Variants in GOT2 observed in about 807,000 individuals in gnomAD.
GOT2 encodes the protein glutamic-oxaloacetic transaminase 2, also known as aspartate aminotransferase, mitochondrial.
Under a neutral mutation model 50.0 loss-of-function variants are expected in GOT2, and 17 were observed. That is an observed-to-expected ratio of 0.34 (90% CI 0.23 to 0.51). The LOEUF is 0.51. GOT2 is among the 20% of genes least tolerant of loss of function. The probability of loss-of-function intolerance (pLI) is 0.97; values close to 1 mark genes in which losing one functional copy is unlikely to be tolerated. For missense variants in GOT2, 430 were observed against 559.6 expected (o/e 0.77, Z 2.34); for synonymous variants, 172 against 204.9 (o/e 0.84, Z 1.37).
intron 3 of GOT2, among the ~76,000 whole-genome samples, chr16:58,720,775 C>T (rs374222745): frequency 0.017 from 2,536 of 151,544 alleles, 67 homozygotes; most frequent in African/African-American, 0.053. Context: ...GACGGGGGGG[C>T]GGGTCTCACC....
chr16:58,730,492 C>T (rs535301599), intron 1 of GOT2, among the ~76,000 whole-genome samples: 1 of 152,140 alleles, frequency 6.6e-6, no homozygotes, highest in South Asian at 2.1e-4. Context: ...TCAAGTGATC[C>T]TCCCCGAGTA....
chr16:58,733,837 T>G (rs2044855002), intron 1 of GOT2: 3 of 332,632 alleles, frequency 9.0e-6, no homozygotes, highest in Non-Finnish European at 1.1e-5. Context: ...TCCCACTGAA[T>G]GGGAGTCCGG....
intron 1 of GOT2, among the ~76,000 whole-genome samples, chr16:58,724,137 G>A (rs892161106): frequency 6.6e-6 from 1 of 152,034 alleles, no homozygotes. Context: ...ATTTTTAGTG[G>A]AGATGGGGTT....
chr16:58,715,861 T>C (rs140611968), intron 8 of GOT2, among the ~76,000 whole-genome samples, 153 bp downstream of exon 8: 1 of 152,312 alleles, frequency 6.6e-6, no homozygotes, highest in East Asian at 1.9e-4. Flanking sequence ...CTTAATTTTT[T>C]AAAAAAGGAA....
chr16:58,728,841 C>T (rs553909934), intron 1 of GOT2, among the ~76,000 whole-genome samples: 44 of 152,154 alleles, frequency 2.9e-4, no homozygotes, highest in Admixed American at 1.2e-3. Context: ...CCACCACGCC[C>T]GGCTAATTTT....
At chr16:58,720,579 T>A (rs1229487339) in intron 3 of GOT2, among the ~76,000 whole-genome samples, 2 of 101,978 alleles carry the variant, frequency 2.0e-5, no homozygotes, top group Non-Finnish European at 3.4e-5. Context: ...GGCACAACAA[T>A]TTTTTTTTTT....
At position 58,723,905 on chromosome 16, in the gene GOT2, G is replaced by A; in HGVS notation, c.90-3C>T. 6.2e-7 allele frequency: 1 copy of A among 1,612,102 alleles called. No individual in the cohort carries two copies. On this transcript the variant is annotated splice_region_variant and splice_polypyrimidine_tract_variant and intron_variant, in intron 1 of 9. Transcript: ENST00000245206. ...TTTCCACATGGGTCCACCAGGAGCTGAAATGAGAAACACATTAGCTCAATC... is the reference window on the plus strand; with the variant it reads ...TTTCCACATGGGTCCACCAGGAGCTAAAATGAGAAACACATTAGCTCAATC...
chr16:58,728,974 A>AC (rs1301541521), intron 1 of GOT2, among the ~76,000 whole-genome samples: 2 of 152,138 alleles, frequency 1.3e-5, no homozygotes, highest in East Asian at 1.9e-4. Flanking sequence ...GGCGTGAGCT[A>AC]CCGCACCCGG....
At position 58,734,189 on chromosome 16, in the gene GOT2, C is replaced by T; in HGVS notation, c.40G>A (p.Ala14Thr). 3.0e-6 allele frequency: 4 copies of T among 1,335,256 alleles called. No individual in the cohort carries two copies. Among genetic ancestry groups the T allele is most frequent in the South Asian group, 2.5e-5 (1 of 40,124 alleles). The allele number at this position is 1,335,256 out of a possible 1,614,324, so 82.7% of individuals were successfully genotyped here. Residue 14 changes from alanine to threonine, a missense_variant, in exon 1 of 10, where the codon GCC becomes ACC. Physicochemically the swap from Ala to Thr is moderately conservative, Grantham distance 58. Coordinates refer to ENST00000245206, the MANE Select transcript of GOT2 (RefSeq NM_002080.4). ...GCGAGGCCCGGGTGGAAGGCGGCGGCGATCCCGGGGAGGACGCGGCCGGAG... is the reference window on the plus strand; with the variant it reads ...GCGAGGCCCGGGTGGAAGGCGGCGGTGATCCCGGGGAGGACGCGGCCGGAG... Reference protein sequence around the residue: ...LHSGRVLPGIAAAFHPGLAAA... With the variant: ...LHSGRVLPGITAAFHPGLAAA...
rs2044616140 is a variant in GOT2 at position 58,707,837 on chromosome 16, C to T, written c.*334G>A. The T allele has an allele frequency of 1.1e-5, 2 of 182,244 alleles. No homozygotes were observed. Among genetic ancestry groups the T allele is most frequent in the South Asian group, 2.5e-4 (2 of 8,000 alleles). 11.3% of individuals were successfully genotyped at this position (182,244 alleles called of 1,614,324 possible). Reference sequence around the variant, plus strand: ...GCTGTTTCTCACGAGGAACCTGACACTTCAGTTAAAGCTTCTGAAATATTG... The same window carrying T: ...GCTGTTTCTCACGAGGAACCTGACATTTCAGTTAAAGCTTCTGAAATATTG... On this transcript the variant is annotated 3_prime_UTR_variant, in exon 10 of 10. Coordinates refer to ENST00000245206, the MANE Select transcript of GOT2 (RefSeq NM_002080.4).
chr16:58,718,632 GT>G lies in GOT2; in HGVS notation c.491del (p.Asn164ThrfsTer66), dbSNP rs1567487801. 1 of 1,606,460 alleles carries G rather than the reference GT, an allele frequency of 6.2e-7. No individual in the cohort carries two copies. Among genetic ancestry groups the G allele is most frequent in the Non-Finnish European group, 8.5e-7 (1 of 1,176,228 alleles). Reference protein sequence around the residue: ...DVFLPKPTWGNHTPIFRDAGM... With the variant: ...DVFLPKPTWGXHTPIFRDAGM... ...CAGCATCCCTGAAGATGGGTGTGTG[GT>G]TTCCCCAGGTTGGTTTGGGCAGAAA... On this transcript the variant is annotated frameshift_variant, in exon 5 of 10. Coordinates refer to ENST00000245206, the MANE Select transcript of GOT2 (RefSeq NM_002080.4). LOFTEE classifies it high-confidence loss of function.
At chr16:58,727,579 T>C (rs1261044964) in intron 1 of GOT2, among the ~76,000 whole-genome samples, 2 of 152,128 alleles carry the variant, frequency 1.3e-5, no homozygotes, top group African/African-American at 4.8e-5. Context: ...CTGCACGTAA[T>C]GCAGGCTGGG....
At chr16:58,713,503 A>G (rs1023985395) in intron 8 of GOT2, among the ~76,000 whole-genome samples, 3 of 152,078 alleles carry the variant, frequency 2.0e-5, no homozygotes, top group African/African-American at 7.2e-5. Flanking sequence ...AAACAAAACA[A>G]AACAAAACAA....
Position 58,718,702 on chromosome 16 carries a change from C to T in GOT2, c.436-14G>A, listed in dbSNP as rs370473537. The T allele has an allele frequency of 6.0e-5, 92 of 1,536,552 alleles. No individual in the cohort carries two copies. The East Asian group carries it at 6.7e-4, about 11-fold the overall frequency. ...AAAAAATCTTTGCTAAAAGATGGGA[C>T]GAAAGGAAACAGAAAAATGAACAAA... On this transcript the variant is annotated splice_polypyrimidine_tract_variant and intron_variant, in intron 4 of 9. Coordinates refer to ENST00000245206, the MANE Select transcript of GOT2 (RefSeq NM_002080.4).
intron 2 of GOT2, among the ~76,000 whole-genome samples, chr16:58,723,101 T>C (rs367753106): frequency 6.6e-6 from 1 of 152,220 alleles, no homozygotes; most frequent in African/African-American, 2.4e-5. Flanking sequence ...ATGGAGGAAC[T>C]ATTTCTACCT....
Position 58,722,301 on chromosome 16 carries a change from A to G in GOT2, c.247-23T>C, listed in dbSNP as rs757113269. ...TGCCTAGACAAGAGAAAATACATCC[A>G]TTGAATTTCTTCTCCTTACTTGGAA... On this transcript the variant is annotated intron_variant, in intron 2 of 9. Coordinates refer to ENST00000245206, the MANE Select transcript of GOT2 (RefSeq NM_002080.4). 1.1e-5 allele frequency: 17 copies of G among 1,609,842 alleles called. No homozygotes were observed. In the Middle Eastern group the frequency reaches 1.0e-3, roughly 96 times the overall value.
rs530966917 is a variant in GOT2 at position 58,726,863 on chromosome 16, A to G, written c.90-2961T>C. Among the ~76,000 whole-genome samples the G allele has an allele frequency of 2.7e-5, 4 of 147,824 alleles. No homozygotes were observed. In the South Asian group the frequency reaches 9.3e-4, roughly 35 times the overall value. On this transcript the variant is annotated intron_variant, in intron 1 of 9. Coordinates refer to ENST00000245206, the MANE Select transcript of GOT2 (RefSeq NM_002080.4). ...AACTTTTTTTTTCTTTTTTAAAGAG[A>G]TGGATCTCGGCCGGGTGCAGTGGCT...
In GOT2 at chr16:58,723,785, A is replaced by G; in HGVS notation, c.207T>C (p.Asp69=). Residue 69 remains aspartate (D), a synonymous_variant, in exon 2 of 10, where the codon GAT becomes GAC. Transcript: ENST00000245206. ...GCAGAACGTAAGGCTTTCCATTATC[A>G]TCCCGGTAGGCACCAACTCCCAGAT... ...KMNLGVGAYR[D]DNGKPYVLPS... 1.2e-6 allele frequency: 2 copies of G among 1,613,072 alleles called. No individual in the cohort carries two copies. The highest frequency in any genetic ancestry group is 1.7e-6 in the Non-Finnish European group (2 of 1,179,100).
At chr16:58,716,367 T>C in intron 7 of GOT2, 188 bp from the exon 8 acceptor site, 1 of 609,524 alleles carries the variant, frequency 1.6e-6, no homozygotes, top group Non-Finnish European at 2.8e-6. Flanking sequence ...GTACTCAGAG[T>C]ATTCAAAGGT....
Sources: gnomAD v4.1 joint callset for allele counts (sites outside exome capture counted in the v4.1 genomes callset) on GRCh38, gnomAD v4.1.1 for gene constraint, MANE v1.5 for transcripts, NCBI Gene and HGNC (gene_info 2026-07-23, HGNC 2026-07-21) for gene names.